The following DDHD1 variants were observed in gnomAD, a reference collection of about 807,000 sequenced individuals.
The protein encoded by DDHD1 is phospholipase DDHD1.
A neutral mutation model predicts 96.4 loss-of-function variants in DDHD1; 49 were observed. The ratio of observed to expected loss-of-function variants is 0.51; its 90% CI spans 0.40 to 0.64. DDHD1 has a LOEUF of 0.64. Ranked by LOEUF, DDHD1 falls within the 30% of genes least tolerant of loss-of-function variation. The pLI is 0.00. For missense variants in DDHD1, 1,106 were observed against 1,161.2 expected, an observed-to-expected ratio of 0.95 and a Z score of 0.69; for synonymous variants, 442 against 446.5, an observed-to-expected ratio of 0.99 and a Z score of 0.13.
intron 1 of DDHD1, among the ~76,000 whole-genome samples, chr14:53,133,489 G>A (rs1319117354): frequency 3.3e-5 from 5 of 152,046 alleles, no homozygotes; most frequent in African/African-American, 4.8e-5. Context: ...TGGAAACTTC[G>A]TGCTCCTTAT....
intron 7 of DDHD1, 199 bp from the exon 8 acceptor site, chr14:53,061,400 C>T: frequency 2.2e-6 from 1 of 446,196 alleles, no homozygotes; most frequent in Non-Finnish European, 3.9e-6. Flanking sequence ...TAGTAAAGTA[C>T]CGCTAGTTGT....
At chr14:53,055,588 C>G in intron 10 of DDHD1, 72 bp downstream of exon 10, 3 of 1,362,032 alleles carry the variant, frequency 2.2e-6, no homozygotes, top group Non-Finnish European at 3.0e-6. Context: ...ACATAGAATA[C>G]TTCTAGTCCC....
At chr14:53,076,224 T>C (rs1294825946) in intron 4 of DDHD1, among the ~76,000 whole-genome samples, 2 of 152,070 alleles carry the variant, frequency 1.3e-5, no homozygotes, top group Admixed American at 6.6e-5. Context: ...TTAAGAACAT[T>C]TGTGATTCAG....
At position 53,037,180 on chromosome 14, in the gene DDHD1, T is replaced by C. The variant is rs1279332230; in HGVS notation, c.*9588A>G. Reference sequence around the variant, plus strand: ...TTTTCTTTATCCAGTCCACTGTTGATGGGCAGCCACGTTGATCTGTCTTTG... The same window carrying C: ...TTTTCTTTATCCAGTCCACTGTTGACGGGCAGCCACGTTGATCTGTCTTTG... On this transcript the variant is annotated 3_prime_UTR_variant, in exon 13 of 13. Coordinates refer to ENST00000673822, the MANE Select transcript of DDHD1 (RefSeq NM_001160148.2). 6.6e-6 allele frequency: 1 copy of C among 152,212 alleles called. No individual in the cohort carries two copies. The highest frequency in any genetic ancestry group is 1.5e-5 in the Non-Finnish European group (1 of 68,036). 9.4% of individuals were successfully genotyped at this position (152,212 alleles called of 1,614,324 possible).
chr14:53,126,360 T>TA (rs1889437842), intron 1 of DDHD1, among the ~76,000 whole-genome samples: 1 of 152,312 alleles, frequency 6.6e-6, no homozygotes, highest in Admixed American at 6.5e-5. Context: ...AGTGTCTGCA[T>TA]ACCCTATTTT....
chr14:53,094,025 A>G (rs970400395), intron 2 of DDHD1, among the ~76,000 whole-genome samples: 2 of 152,102 alleles, frequency 1.3e-5, no homozygotes, highest in Non-Finnish European at 2.9e-5. Flanking sequence ...ATACAAAAAA[A>G]AATTAGCCGG....
chr14:53,050,129 A>G (rs1882407585), intron 12 of DDHD1, among the ~76,000 whole-genome samples: 1 of 152,208 alleles, frequency 6.6e-6, no homozygotes, highest in Admixed American at 6.5e-5. Context: ...TAAGGAATGA[A>G]AGATGGCTTT....
intron 4 of DDHD1, among the ~76,000 whole-genome samples, chr14:53,081,467 TAGA>T (rs1490141257): frequency 1.3e-5 from 2 of 152,248 alleles, no homozygotes; most frequent in African/African-American, 2.4e-5. Context: ...AGAGTTCATT[TAGA>T]TTAGTGGTTC....
chr14:53,099,489 T>C (rs1489639447), intron 2 of DDHD1, among the ~76,000 whole-genome samples: 1 of 152,208 alleles, frequency 6.6e-6, no homozygotes, highest in East Asian at 1.9e-4. Flanking sequence ...GGTCAGTCAG[T>C]TATTTTGTAG....
chr14:53,152,719 G>T lies in DDHD1; in HGVS notation c.380C>A (p.Pro127Gln), dbSNP rs762391016. ...CGCGCCGCCGCCCCCCGAGTTCGTC[G>T]GGACCAGCGGAGGCTGCTGCGGCGG... is the stretch of plus-strand genomic sequence containing the variant. ...LHPPQQPPLV[P>Q]TNSGGGGATG... Residue 127 changes from proline (P) to glutamine (Q), a missense_variant, in exon 1 of 13, where the codon CCG becomes CAG. Pro to Gln is a moderately conservative substitution (Grantham distance 76). This residue lies in a region of DDHD1 where 456 missense variants were observed against 402.4 expected (regional missense o/e 1.13). Transcript: ENST00000673822. 1 of 1,605,702 alleles carries T rather than the reference G, an allele frequency of 6.2e-7. No individual in the cohort carries two copies. Among genetic ancestry groups the T allele is most frequent in the East Asian group, 2.2e-5 (1 of 44,538 alleles).
At chr14:53,050,168 G>A (rs1385449902) in intron 12 of DDHD1, among the ~76,000 whole-genome samples, 1 of 152,142 alleles carries the variant, frequency 6.6e-6, no homozygotes, top group East Asian at 1.9e-4. Context: ...GAGGCTCTCT[G>A]GAAGGAGGAG....
Position 53,152,785 on chromosome 14 carries a change from T to C in DDHD1, c.314A>G (p.Glu105Gly), listed in dbSNP as rs759832832. 2 of 1,605,948 alleles carry C rather than the reference T, an allele frequency of 1.2e-6. No homozygotes were observed. The highest frequency in any genetic ancestry group is 1.7e-6 in the Non-Finnish European group (2 of 1,177,584). ...GCTGCCGCCGCCGCCGCTCTCACCC[T>C]CGCTGTAGTAGCGCAGCGAGGAGCC... ...ESGSSLRYYS[E>G]GESGGGGSSL... The change falls in exon 1 of 13, where the codon GAG (glutamate) becomes GGG (glycine). Residue 105 changes from glutamate to glycine, a missense_variant. Physicochemically the swap from Glu to Gly is moderately conservative, Grantham distance 98. Around this residue, in one of 2 missense-constraint regions of DDHD1, gnomAD observed 456 missense variants for 402.4 expected, o/e 1.13. Transcript: ENST00000673822.
At chr14:53,107,516 T>A (rs1887780303) in intron 1 of DDHD1, among the ~76,000 whole-genome samples, 2 of 152,116 alleles carry the variant, frequency 1.3e-5, no homozygotes, top group South Asian at 4.2e-4. Context: ...TGTGGCTGGA[T>A]ACAGTGGCTA....
At chr14:53,087,798 A>C (rs1344357898) in intron 4 of DDHD1, among the ~76,000 whole-genome samples, 1 of 152,234 alleles carries the variant, frequency 6.6e-6, no homozygotes, top group Non-Finnish European at 1.5e-5. Flanking sequence ...AGAAGGCAAG[A>C]AATAACTAAG....
chr14:53,073,184 A>G (rs1215981632), intron 5 of DDHD1, among the ~76,000 whole-genome samples: 1 of 152,074 alleles, frequency 6.6e-6, no homozygotes, highest in East Asian at 1.9e-4. Context: ...AAAGACACAT[A>G]TTTTGGTTGA....
chr14:53,112,332 G>T (rs148997447), intron 1 of DDHD1, among the ~76,000 whole-genome samples: 1 of 151,704 alleles, frequency 6.6e-6, no homozygotes. Flanking sequence ...CAGAAGAATC[G>T]CTTGAACCCA....
chr14:53,085,842 C>T (rs1885899312), intron 4 of DDHD1, among the ~76,000 whole-genome samples: 1 of 152,148 alleles, frequency 6.6e-6, no homozygotes, highest in African/African-American at 2.4e-5. Flanking sequence ...TTGGTAATAA[C>T]AAACTTCTCT....
intron 1 of DDHD1, among the ~76,000 whole-genome samples, chr14:53,138,815 T>C (rs1428771230): frequency 6.6e-6 from 1 of 152,122 alleles, no homozygotes; most frequent in South Asian, 2.1e-4. Flanking sequence ...TACACCTTGT[T>C]GCAGGTTCTT....
chr14:53,081,841 G>T (rs940511172), intron 4 of DDHD1, among the ~76,000 whole-genome samples: 5 of 151,740 alleles, frequency 3.3e-5, no homozygotes, highest in African/African-American at 1.2e-4. Flanking sequence ...TTGGAGTACT[G>T]GAGTGACTGT....
Sources: allele counts gnomAD v4.1 joint callset (sites outside exome capture counted in the v4.1 genomes callset), GRCh38; gene constraint gnomAD v4.1.1; regional missense constraint gnomAD v4.1.1; transcripts MANE v1.5; gene names NCBI Gene and HGNC (gene_info 2026-07-23, HGNC 2026-07-21).